The following CCNC variants were observed in gnomAD, a reference collection of about 807,000 sequenced individuals.
The protein encoded by CCNC is cyclin C.
CCNC carries 19 observed loss-of-function variants against 50.0 expected under a neutral mutation model. The ratio of observed to expected loss-of-function variants is 0.38; its 90% CI spans 0.27 to 0.56. CCNC has a LOEUF of 0.56. Ranked by LOEUF, CCNC falls within the 20% of genes least tolerant of loss-of-function variation. The pLI is 0.72. For synonymous variants in CCNC, 93 were observed against 103.7 expected (o/e 0.90, Z 0.63); for missense variants, 200 against 327.1 (o/e 0.61, Z 3.00).
At chr6:99,563,583 A>T (rs1768949829) in intron 1 of CCNC, among the ~76,000 whole-genome samples, 1 of 152,186 alleles carries the variant, frequency 6.6e-6, no homozygotes, top group South Asian at 2.1e-4. Context: ...GTTATTCAGC[A>T]TTCTTTTATA....
At chr6:99,545,400 T>A (rs1328152918) in intron 10 of CCNC, among the ~76,000 whole-genome samples, 170 bp from the exon 11 acceptor site, 2 of 152,210 alleles carry the variant, frequency 1.3e-5, no homozygotes, top group Non-Finnish European at 2.9e-5. Context: ...AGGATTTTCC[T>A]TCTAGCATCT....
intron 5 of CCNC, among the ~76,000 whole-genome samples, chr6:99,554,867 C>T (rs1156924979): frequency 2.0e-5 from 3 of 152,020 alleles, no homozygotes; most frequent in Non-Finnish European, 4.4e-5. Flanking sequence ...GCTTATAGAC[C>T]CTTTCAGCTG....
chr6:99,561,034 A>G (rs1404521504), intron 4 of CCNC, among the ~76,000 whole-genome samples: 1 of 152,210 alleles, frequency 6.6e-6, no homozygotes, highest in Non-Finnish European at 1.5e-5. Flanking sequence ...CGAGACTCCC[A>G]TGGTTCAAAC....
chr6:99,550,988 C>A lies in CCNC; in HGVS notation c.438+5G>T. 9.7e-7 allele frequency: 1 copy of A among 1,031,912 alleles called. No individual in the cohort carries two copies. The highest frequency in any genetic ancestry group is 1.7e-5 in the South Asian group (1 of 58,126). 63.9% of individuals were successfully genotyped at this position (1,031,912 alleles called of 1,614,324 possible). On this transcript the variant is annotated splice_donor_5th_base_variant and intron_variant, in intron 7 of 11. Transcript: ENST00000520429. The stretch of plus-strand genomic sequence containing the variant: ...TAATCTATTAATCACAGAAGATTTA[C>A]TTACCATTAGTTCTAACAGATAGAA...
chr6:99,563,227 C>A (rs1196756852), intron 1 of CCNC, among the ~76,000 whole-genome samples: 1 of 152,136 alleles, frequency 6.6e-6, no homozygotes, highest in Non-Finnish European at 1.5e-5. Flanking sequence ...ATATGTCTTA[C>A]AATCTGTGAT....
In CCNC at chr6:99,542,809, G is replaced by A. The variant is rs8366; in HGVS notation, c.*746C>T. 0.14 allele frequency: 21,801 copies of A among 152,366 alleles called. 1,831 individuals carry two copies. The highest frequency in any genetic ancestry group is 0.24 in the Middle Eastern group (71 of 292). The allele number at this position is 152,366 out of a possible 1,614,324, so 9.4% of individuals were successfully genotyped here. A position where few individuals can be genotyped will look rare whatever the true frequency, so the allele number is the denominator to read the frequency against. ...AATTTTACCAAATTCCAACATTATG[G>A]TTTTTGAATCCAATTAAGCTTTCAA... On this transcript the variant is annotated 3_prime_UTR_variant, in exon 12 of 12. Transcript: ENST00000520429.
chr6:99,547,054 G>A (rs1250887195), intron 9 of CCNC, among the ~76,000 whole-genome samples: 1 of 139,662 alleles, frequency 7.2e-6, no homozygotes, highest in African/African-American at 2.7e-5. Flanking sequence ...TACAATATTA[G>A]TTATATATGT....
chr6:99,561,664 C>A lies in CCNC; in HGVS notation c.157G>T (p.Glu53Ter). Residue 53 changes from glutamate to a stop codon, truncating the protein, a stop_gained, in exon 3 of 12, where the codon GAA becomes TAA. Transcript: ENST00000520429. LOFTEE classifies it high-confidence loss of function. Reference protein sequence around the residue: ...FFTNVIQALGEHLKLRQQVIA... With the variant: ...FFTNVIQALG ...ACTTGTTGTCTTAATTTAAGATGTT[C>A]ACCTAATGCTTGGATAACTAAAAGG... 6.2e-7 allele frequency: 1 copy of A among 1,605,364 alleles called. No homozygotes were observed. The highest frequency in any genetic ancestry group is 1.1e-5 in the South Asian group (1 of 90,516).
At chr6:99,546,552 A>G (rs374765500) in intron 9 of CCNC, 78 bp from the exon 10 acceptor site, 11 of 918,606 alleles carry the variant, frequency 1.2e-5, no homozygotes, top group Non-Finnish European at 2.0e-5. Context: ...ATTTTTCACT[A>G]TTTCCTGTGT....
At position 99,549,464 on chromosome 6, in the gene CCNC, G is replaced by T. The variant is rs938762018; in HGVS notation, c.598+44C>A. On this transcript the variant is annotated intron_variant, in intron 9 of 11. Transcript: ENST00000520429. ...ATTTAGTTTAGGATGACCTAAATAA[G>T]TTTATAACAATTTAACTCATAAAGG... The T allele has an allele frequency of 6.0e-6, 8 of 1,342,490 alleles. No individual in the cohort carries two copies. The African/African-American group carries it at 7.2e-5, about 12-fold the overall frequency. 83.2% of individuals were successfully genotyped at this position (1,342,490 alleles called of 1,614,324 possible). A position where few individuals can be genotyped will look rare whatever the true frequency, so the allele number is the denominator to read the frequency against.
chr6:99,553,737 T>C (rs1307752171), intron 5 of CCNC, among the ~76,000 whole-genome samples: 1 of 152,178 alleles, frequency 6.6e-6, no homozygotes, highest in Admixed American at 6.5e-5. Flanking sequence ...AGTTCTCTTA[T>C]ACCCACCGTT....
rs979598332 is a variant in CCNC, at chr6:99,543,803, T to C, written c.798-194A>G. 14 of 1,398,156 alleles carry C rather than the reference T, an allele frequency of 1.0e-5. No individual in the cohort carries two copies. In the African/African-American group the frequency reaches 1.7e-4, roughly 17 times the overall value. 86.6% of individuals were successfully genotyped at this position (1,398,156 alleles called of 1,614,324 possible). A position where few individuals can be genotyped will look rare whatever the true frequency, so the allele number is the denominator to read the frequency against. The stretch of plus-strand genomic sequence containing the variant: ...CATTGGTTTTATGTTTTTATTCTTA[T>C]ATAACTTTGTGCCCTCACATATAAC... On this transcript the variant is annotated intron_variant, in intron 11 of 11. Coordinates refer to ENST00000520429, the MANE Select transcript of CCNC (RefSeq NM_005190.4).
chr6:99,548,626 C>G (rs921154669), intron 9 of CCNC, among the ~76,000 whole-genome samples: 2 of 151,988 alleles, frequency 1.3e-5, no homozygotes, highest in African/African-American at 2.4e-5. Flanking sequence ...ACCAGCCTGG[C>G]CAACATGGCG....
chr6:99,552,296 T>C (rs1802332307), intron 5 of CCNC, among the ~76,000 whole-genome samples: 1 of 152,148 alleles, frequency 6.6e-6, no homozygotes, highest in Non-Finnish European at 1.5e-5. Flanking sequence ...AAAATATACA[T>C]ATAAAATATT....
chr6:99,568,452 C>T, intron 1 of CCNC, 44 bp downstream of exon 1: 1 of 1,590,168 alleles, frequency 6.3e-7, no homozygotes, highest in Non-Finnish European at 8.6e-7. Context: ...CCTCACAGCT[C>T]CCCCAAAAAC....
chr6:99,558,450 T>C (rs910958529), intron 5 of CCNC, 47 bp downstream of exon 5: 1 of 1,602,622 alleles, frequency 6.2e-7, no homozygotes. Context: ...ACTCTGGAGC[T>C]TTCTTTAGAA....
intron 10 of CCNC, among the ~76,000 whole-genome samples, chr6:99,545,801 A>G (rs977634658): frequency 6.6e-6 from 1 of 152,336 alleles, no homozygotes; most frequent in Admixed American, 6.5e-5. Flanking sequence ...GAGATAGGCT[A>G]TGTTACAGAA....
intron 4 of CCNC, among the ~76,000 whole-genome samples, chr6:99,559,114 C>G (rs1385299249): frequency 6.6e-6 from 1 of 150,684 alleles, no homozygotes; most frequent in African/African-American, 2.4e-5. Context: ...CCTGTATTAA[C>G]AGATACTTCA....
chr6:99,553,108 A>T (rs1285364155), intron 5 of CCNC, among the ~76,000 whole-genome samples: 2 of 152,310 alleles, frequency 1.3e-5, no homozygotes, highest in Non-Finnish European at 1.5e-5. Context: ...TGTTTTGCAA[A>T]TTCAGTGCCC....
Sources: allele counts gnomAD v4.1 joint callset (sites outside exome capture counted in the v4.1 genomes callset), GRCh38; gene constraint gnomAD v4.1.1; transcripts MANE v1.5; gene names NCBI Gene and HGNC (gene_info 2026-07-23, HGNC 2026-07-21).